PRKCZ: variants seen among roughly 807,000 people sequenced by gnomAD.
PRKCZ encodes the protein protein kinase C zeta type.
Under a neutral mutation model 79.5 loss-of-function variants are expected in PRKCZ, and 33 were observed. The observed-to-expected ratio is 0.41, with a 90% CI of 0.31 to 0.55. The LOEUF is 0.55. PRKCZ is among the 20% of genes least tolerant of loss of function. The pLI, the probability that PRKCZ is intolerant of heterozygous loss-of-function variation, is 0.19. For synonymous variants in PRKCZ, 342 were observed against 320.9 expected (o/e 1.07, Z -0.70); for missense variants, 578 against 813.5 (o/e 0.71, Z 3.52).
At chr1:2,052,537 C>G (rs1288004636) in intron 1 of PRKCZ, among the ~76,000 whole-genome samples, 1 of 151,906 alleles carries the variant, frequency 6.6e-6, no homozygotes, top group Non-Finnish European at 1.5e-5. Flanking sequence ...TAGGGCACGT[C>G]TCCCCTCTGG....
intron 9 of PRKCZ, 135 bp downstream of exon 9, chr1:2,151,113 C>A: frequency 1.8e-6 from 2 of 1,107,334 alleles, no homozygotes; most frequent in Non-Finnish European, 2.5e-6. Flanking sequence ...AATCAATAGT[C>A]ATGCATCGTG....
At chr1:2,070,311 T>G (rs1023218772) in intron 4 of PRKCZ, among the ~76,000 whole-genome samples, 3 of 152,154 alleles carry the variant, frequency 2.0e-5, no homozygotes, top group African/African-American at 7.2e-5. Flanking sequence ...GTAGCCCATC[T>G]TGTCACTTAG....
intron 4 of PRKCZ, among the ~76,000 whole-genome samples, chr1:2,133,225 G>GT (rs1183922919): frequency 2.0e-5 from 3 of 151,768 alleles, no homozygotes; most frequent in Non-Finnish European, 4.4e-5. Context: ...CTGTGCGTCA[G>GT]TCCCTCAGCT....
chr1:2,112,917 C>T (rs1401946929), intron 4 of PRKCZ, among the ~76,000 whole-genome samples: 2 of 152,224 alleles, frequency 1.3e-5, no homozygotes, highest in East Asian at 3.8e-4. Context: ...GTCTCGAACT[C>T]CTGACCTCAG....
At chr1:2,087,529 C>T (rs1295886566) in intron 4 of PRKCZ, among the ~76,000 whole-genome samples, 1 of 152,166 alleles carries the variant, frequency 6.6e-6, no homozygotes, top group African/African-American at 2.4e-5. Context: ...CCTGGGGCTT[C>T]TGTGTCTCTC....
chr1:2,096,315 T>C (rs1236206509), intron 4 of PRKCZ, among the ~76,000 whole-genome samples: 4 of 151,032 alleles, frequency 2.6e-5, no homozygotes, highest in Non-Finnish European at 5.9e-5. Flanking sequence ...CAGAGGCCAG[T>C]TTGGCATCTG....
intron 4 of PRKCZ, among the ~76,000 whole-genome samples, chr1:2,117,367 G>T (rs1670955420): frequency 6.8e-6 from 1 of 147,388 alleles, no homozygotes; most frequent in Non-Finnish European, 1.5e-5. Flanking sequence ...TACTTTTACA[G>T]TTTTTTTTTT....
Position 2,168,187 on chromosome 1 carries a change from T to C in PRKCZ, c.975-1331T>C, listed in dbSNP as rs1169516475. 6.6e-6 allele frequency among the ~76,000 whole-genome samples: 1 copy of C among 152,190 alleles called. No homozygotes were observed. Among genetic ancestry groups the C allele is most frequent in the Non-Finnish European group, 1.5e-5 (1 of 68,030 alleles). On this transcript the variant is annotated intron_variant, in intron 10 of 17. Transcript: ENST00000378567. The surrounding 1 kb of genome is among the most constrained non-coding windows in gnomAD (Gnocchi z 4.7). ...TTTTTGGCTTTGCGGCCACAGGGTC[T>C]CTGTTAGCAACTCCCTCTGCCACGG...
chr1:2,184,992 A>C lies in PRKCZ; in HGVS notation c.1762A>C (p.Thr588Pro). 1 of 1,613,412 alleles carries C rather than the reference A, an allele frequency of 6.2e-7. No individual in the cohort carries two copies. Among genetic ancestry groups the C allele is most frequent in the Non-Finnish European group, 8.5e-7 (1 of 1,179,770 alleles). Residue 588 changes from threonine (T) to proline (P), a missense_variant, in exon 18 of 18, where the codon ACC becomes CCC. Physicochemically the swap from Thr to Pro is conservative, Grantham distance 38. This residue lies in a region of PRKCZ where 243 missense variants were observed against 467.0 expected (regional missense o/e 0.52). Transcript: ENST00000378567. Reference sequence around the variant, plus strand: ...GTATATCAACCCATTATTGCTGTCCACCGAGGAGTCGGTGTGAGGCCGCGT... The same window carrying C: ...GTATATCAACCCATTATTGCTGTCCCCCGAGGAGTCGGTGTGAGGCCGCGT... The part of the protein sequence containing the change: ...FEYINPLLLS[T>P]EESV
At chr1:2,074,719 C>T (rs1340748834) in intron 4 of PRKCZ, 1 of 218,248 alleles carries the variant, frequency 4.6e-6, no homozygotes, top group Non-Finnish European at 9.1e-6. Context: ...CGGATGGTGG[C>T]GAGGAGCGGG....
Position 2,077,413 on chromosome 1 carries a change from C to T in PRKCZ, c.334+17822C>T, listed in dbSNP as rs544886729. The stretch of plus-strand genomic sequence containing the variant: ...ACTGGCAGCTCAGCCGCATCGTGGG[C>T]CCAGATGGCTTCTTCTGTTTGTTCC... On this transcript the variant is annotated intron_variant, in intron 4 of 17. Transcript: ENST00000378567. Among the ~76,000 whole-genome samples the T allele has an allele frequency of 3.9e-5, 6 of 152,262 alleles. No individual in the cohort carries two copies. The South Asian group carries it at 1.2e-3, about 32-fold the overall frequency.
rs531228580 is a variant in PRKCZ at position 2,103,174 on chromosome 1, G to A, written c.335-32088G>A. Among the ~76,000 whole-genome samples, 8 of 152,288 alleles carry A rather than the reference G, an allele frequency of 5.3e-5. No homozygotes were observed. The East Asian group carries it at 1.2e-3, about 22-fold the overall frequency. Reference sequence around the variant, plus strand: ...GGCTAGACTGTGGGGTTTTTGGGGGGCAAGAATTGTACTCATATCTCTGTT... The same window carrying A: ...GGCTAGACTGTGGGGTTTTTGGGGGACAAGAATTGTACTCATATCTCTGTT... On this transcript the variant is annotated intron_variant, in intron 4 of 17. Transcript: ENST00000378567.
intron 5 of PRKCZ, among the ~76,000 whole-genome samples, chr1:2,139,370 A>G (rs1384010798): frequency 6.6e-6 from 1 of 152,112 alleles, no homozygotes; most frequent in Non-Finnish European, 1.5e-5. Context: ...TGGGTGGATC[A>G]CGAGGTCAGC....
chr1:2,090,506 C>T (rs1046991805), intron 4 of PRKCZ, among the ~76,000 whole-genome samples: 2 of 152,214 alleles, frequency 1.3e-5, no homozygotes, highest in Non-Finnish European at 2.9e-5. Flanking sequence ...CCCTCACCCT[C>T]AGCTGCTCCT....
intron 4 of PRKCZ, among the ~76,000 whole-genome samples, chr1:2,091,943 T>C (rs1020630910): frequency 3.0e-4 from 45 of 152,228 alleles, no homozygotes; most frequent in Admixed American, 6.5e-5. Flanking sequence ...AAAATCTTTA[T>C]AAAAATTATT....
At chr1:2,068,107 A>G (rs1190639371) in intron 4 of PRKCZ, among the ~76,000 whole-genome samples, 4 of 152,260 alleles carry the variant, frequency 2.6e-5, no homozygotes, top group South Asian at 4.1e-4. Context: ...TCCTTGGGGC[A>G]GCAGCGAGAG....
intron 16 of PRKCZ, among the ~76,000 whole-genome samples, chr1:2,180,075 G>A (rs1686256608): frequency 6.6e-6 from 1 of 152,156 alleles, no homozygotes; most frequent in African/African-American, 2.4e-5. Context: ...AAGCCCCACA[G>A]CTGGGCTGGT....
chr1:2,162,449 T>C (rs917307766), intron 10 of PRKCZ, among the ~76,000 whole-genome samples: 4 of 152,216 alleles, frequency 2.6e-5, no homozygotes, highest in South Asian at 4.1e-4. Flanking sequence ...GGCATTTTCA[T>C]TGGGATTTGT....
intron 16 of PRKCZ, among the ~76,000 whole-genome samples, chr1:2,179,076 G>C (rs1235615707): frequency 1.3e-5 from 2 of 152,252 alleles, no homozygotes; most frequent in Non-Finnish European, 2.9e-5. Context: ...CTGGAGAAGA[G>C]AGGCAGTGTG....
Sources: gnomAD v4.1 joint callset for allele counts (sites outside exome capture counted in the v4.1 genomes callset) on GRCh38, gnomAD v4.1.1 for gene constraint, gnomAD v4.1.1 regional missense constraint, Gnocchi (gnomAD v3.1) non-coding constraint, MANE v1.5 for transcripts, NCBI Gene and HGNC (gene_info 2026-07-23, HGNC 2026-07-21) for gene names.